The following OR52H1 variants were observed in gnomAD, a reference collection of about 807,000 sequenced individuals.
OR52H1 encodes olfactory receptor 52H1.
For synonymous variants in OR52H1, 148 were observed against 138.6 expected (o/e 1.07, Z -0.48); for missense variants, 383 against 396.4 (o/e 0.97, Z 0.29).
chr11:5,547,575 C>T (rs1435149051), intron 1 of OR52H1, among the ~76,000 whole-genome samples: 2 of 151,920 alleles, frequency 1.3e-5, no homozygotes, highest in Non-Finnish European at 2.9e-5. Context: ...TATTTGGGTT[C>T]CTATGTTTTT....
At chr11:5,547,291 A>C (rs935538212) in intron 1 of OR52H1, among the ~76,000 whole-genome samples, 2 of 152,214 alleles carry the variant, frequency 1.3e-5, no homozygotes, top group African/African-American at 4.8e-5. Context: ...TGTTTAAACA[A>C]ACCAGGTATT....
At chr11:5,546,187 A>C (rs1266264199) in intron 1 of OR52H1, among the ~76,000 whole-genome samples, 1 of 151,918 alleles carries the variant, frequency 6.6e-6, no homozygotes, top group East Asian at 1.9e-4. Context: ...TCCTCAAAAA[A>C]AAAAAAAAAT....
rs115541630 is a variant in OR52H1, at chr11:5,545,230, G to A, written c.276C>T (p.Arg92=). 2.8e-3 allele frequency: 4,472 copies of A among 1,614,068 alleles called. 100 individuals are homozygous for A. The African/African-American group carries it at 0.054, about 19-fold the overall frequency. Residue 92 remains arginine (R), a synonymous_variant, in exon 2 of 2, where the codon CGC becomes CGT. Transcript: ENST00000322653. The part of the protein sequence containing the change: ...KALSIFWLGA[R]EITFPGCLTQ... ...TAAGGCATCCTGGGAATGTGATTTC[G>A]CGAGCCCCTAGCCAAAAGATACTGA... is the stretch of plus-strand genomic sequence containing the variant.
chr11:5,547,368 T>A (rs1281934802), intron 1 of OR52H1, among the ~76,000 whole-genome samples: 1 of 152,200 alleles, frequency 6.6e-6, no homozygotes, highest in South Asian at 2.1e-4. Flanking sequence ...ATAAAGGAAC[T>A]AGTGTTAATT....
chr11:5,545,434 T>G lies in OR52H1; in HGVS notation c.72A>C (p.Gln24His). Residue 24 changes from glutamine to histidine, a missense_variant, in exon 2 of 2, where the codon CAA (glutamine) becomes CAC (histidine). Gln to His is a conservative substitution (Grantham distance 24, BLOSUM62 0). Coordinates refer to ENST00000322653, the MANE Select transcript of OR52H1 (RefSeq NM_001005289.5). ...FILVGIPGLE[Q>H]FHVWIGIPFC... ...AGGGAATTCCAATCCACACATGGAA[T>G]TGCTCCAGGCCTGGGATCCCTACCA... The G allele has an allele frequency of 6.2e-7, 1 of 1,614,172 alleles. No individual in the cohort carries two copies. The highest frequency in any genetic ancestry group is 1.1e-5 in the South Asian group (1 of 91,080).
rs375519710 is a variant in OR52H1 at position 5,544,700 on chromosome 11, T to G, written c.806A>C (p.Asn269Thr). 3 of 1,614,060 alleles carry G rather than the reference T, an allele frequency of 1.9e-6. No homozygotes were observed. In the East Asian group the frequency reaches 6.7e-5, roughly 36 times the overall value. Reference sequence around the variant, plus strand: ...CATGATGTGGAAGGTGCGAGAGACATTGTGTCCAAAGCGATGGGCGAGGAT... The same window carrying G: ...CATGATGTGGAAGGTGCGAGAGACAGTGTGTCCAAAGCGATGGGCGAGGAT... ...FSILAHRFGH[N>T]VSRTFHIMFA... The change falls in exon 2 of 2, where the codon AAT (asparagine) becomes ACT (threonine). Residue 269 changes from asparagine to threonine, a missense_variant. Coordinates refer to ENST00000322653, the MANE Select transcript of OR52H1 (RefSeq NM_001005289.5).
At position 5,544,747 on chromosome 11, in the gene OR52H1, A is replaced by G. The variant is rs751947060; in HGVS notation, c.759T>C (p.Phe253=). The stretch of plus-strand genomic sequence containing the variant: ...GGATGGAGAAAAAGGCAGGTGTATA[A>G]AACATGAGGATGACACAGACATGAG... ...CGSHVCVILM[F]YTPAFFSILA... Residue 253 remains phenylalanine, a synonymous_variant, in exon 2 of 2, where the codon TTT becomes TTC. Coordinates refer to ENST00000322653, the MANE Select transcript of OR52H1 (RefSeq NM_001005289.5). 1 of 1,614,164 alleles carries G rather than the reference A, an allele frequency of 6.2e-7. No homozygotes were observed. The highest frequency in any genetic ancestry group is 1.1e-5 in the South Asian group (1 of 91,080).
At position 5,545,006 on chromosome 11, in the gene OR52H1, C is replaced by T. The variant is rs764234579; in HGVS notation, c.500G>A (p.Cys167Tyr). 6.2e-7 allele frequency: 1 copy of T among 1,614,166 alleles called. No individual in the cohort carries two copies. Among genetic ancestry groups the T allele is most frequent in the South Asian group, 1.1e-5 (1 of 91,078 alleles). Reference protein sequence around the residue: ...IILPDVFLLTCLPFCRTRIIP... With the variant: ...IILPDVFLLTYLPFCRTRIIP... ...GATGCGTGTCCTGCAGAAAGGCAGG[C>T]ATGTCAGCAAGAATACATCTGGCAG... The change falls in exon 2 of 2, where the codon TGC becomes TAC. Residue 167 changes from cysteine (C) to tyrosine (Y), a missense_variant. Coordinates refer to ENST00000322653, the MANE Select transcript of OR52H1 (RefSeq NM_001005289.5).
Position 5,545,531 on chromosome 11 carries a change from A to G in OR52H1, c.-26T>C, listed in dbSNP as rs779294951. Reference sequence around the variant, plus strand: ...GGCAGAGGCAGATGGCATAAATCTCAGCCCCTAAAGACAGAGGGTGATTAA... The same window carrying G: ...GGCAGAGGCAGATGGCATAAATCTCGGCCCCTAAAGACAGAGGGTGATTAA... On this transcript the variant is annotated 5_prime_UTR_variant, in exon 2 of 2. Transcript: ENST00000322653. 147 of 1,609,138 alleles carry G rather than the reference A, an allele frequency of 9.1e-5. No homozygotes were observed. Among genetic ancestry groups the G allele is most frequent in the Non-Finnish European group, 1.1e-4 (134 of 1,176,646 alleles).
Position 5,544,769 on chromosome 11 carries a change from T to C in OR52H1, c.737A>G (p.His246Arg), listed in dbSNP as rs1846824135. The C allele has an allele frequency of 6.2e-7, 1 of 1,613,912 alleles. No homozygotes were observed. The highest frequency in any genetic ancestry group is 8.5e-7 in the Non-Finnish European group (1 of 1,179,972). Residue 246 changes from histidine to arginine, a missense_variant, in exon 2 of 2, where the codon CAT becomes CGT. Coordinates refer to ENST00000322653, the MANE Select transcript of OR52H1 (RefSeq NM_001005289.5). ...CQKALGTCGS[H>R]VCVILMFYTP... is the part of the protein sequence containing the mutation. ...ATAAAACATGAGGATGACACAGACA[T>C]GAGAACCACAAGTGCCGAGGGCTTT...
rs202105878 is a variant in OR52H1, at chr11:5,544,938, C to A, written c.568G>T (p.Ala190Ser). The A allele has an allele frequency of 2.4e-5, 38 of 1,614,116 alleles. No homozygotes were observed. The highest frequency in any genetic ancestry group is 4.0e-5 in the African/African-American group (3 of 75,024). ...YCEHIGVAQL[A>S]CADISINFWY... ...AAGTTGATGGAGATATCAGCACAGG[C>A]GAGCTGGGCAACACCTATATGCTCA... The change falls in exon 2 of 2, where the codon GCC becomes TCC. Residue 190 changes from alanine (A) to serine (S), a missense_variant. By Grantham distance (99) the Ala-to-Ser change is moderately conservative. Transcript: ENST00000322653.
At chr11:5,548,090 G>C (rs2133764443) in intron 1 of OR52H1, among the ~76,000 whole-genome samples, 1 of 152,278 alleles carries the variant, frequency 6.6e-6, no homozygotes, top group South Asian at 2.1e-4. Context: ...TTGCAAGATG[G>C]ATAAAAATTA....
At chr11:5,548,338 G>A (rs1440462875) in intron 1 of OR52H1, 114 bp downstream of exon 1, 1 of 152,208 alleles carries the variant, frequency 6.6e-6, no homozygotes, top group African/African-American at 2.4e-5. Flanking sequence ...GAGTTGCTCA[G>A]GAAAGAAAAT....
Position 5,545,468 on chromosome 11 carries a change from G to T in OR52H1, c.38C>A (p.Pro13His). 1.2e-6 allele frequency: 2 copies of T among 1,614,102 alleles called. No homozygotes were observed. The highest frequency in any genetic ancestry group is 4.5e-5 in the East Asian group (2 of 44,878). The change falls in exon 2 of 2, where the codon CCC becomes CAC. Residue 13 changes from proline to histidine, a missense_variant. Transcript: ENST00000322653. ...GCCTGGGATCCCTACCAGAATGAAG[G>T]GTCCTGGATTGTAACTGCTCAGGTT... ...IFNLSSYNPG[P>H]FILVGIPGLE...
intron 1 of OR52H1, among the ~76,000 whole-genome samples, chr11:5,546,151 T>C (rs780716985): frequency 6.7e-6 from 1 of 150,008 alleles, no homozygotes; most frequent in Non-Finnish European, 1.5e-5. Context: ...AAAAATTCCC[T>C]TATAGCTGAG....
At position 5,545,113 on chromosome 11, in the gene OR52H1, G is replaced by A. The variant is rs1489484893; in HGVS notation, c.393C>T (p.Pro131=). The change falls in exon 2 of 2, where the codon CCC becomes CCT. Residue 131 remains proline (P), a synonymous_variant. Coordinates refer to ENST00000322653, the MANE Select transcript of OR52H1 (RefSeq NM_001005289.5). ...GAGTCAAGATGGTGGTATATCTCAA[G>A]GGAGAACAGATAGCTACATAGTGAT... ...AFDHYVAICS[P]LRYTTILTPK... 1.2e-6 allele frequency: 2 copies of A among 1,614,120 alleles called. No individual in the cohort carries two copies. Among genetic ancestry groups the A allele is most frequent in the Non-Finnish European group, 1.7e-6 (2 of 1,180,004 alleles).
rs561068799 is a variant in OR52H1, at chr11:5,545,322, A to G, written c.184T>C (p.Phe62Leu). The change falls in exon 2 of 2, where the codon TTC (phenylalanine) becomes CTC (leucine). Residue 62 changes from phenylalanine (F) to leucine (L), a missense_variant. Phe to Leu is a conservative substitution (Grantham distance 22, BLOSUM62 0). Coordinates refer to ENST00000322653, the MANE Select transcript of OR52H1 (RefSeq NM_001005289.5). The stretch of plus-strand genomic sequence containing the variant: ...ATGGCCAGCATGGAGAGAAAGAAGA[A>G]CATGGGTTCATGAAGACTATGCTCC... ...VVEHSLHEPM[F>L]FFLSMLAMTD... The G allele has an allele frequency of 7.4e-6, 12 of 1,613,138 alleles. No individual in the cohort carries two copies. The African/African-American group carries it at 1.6e-4, about 22-fold the overall frequency.
At position 5,545,089 on chromosome 11, in the gene OR52H1, A is replaced by G. The variant is rs757132713; in HGVS notation, c.417T>C (p.Thr139=). 3 of 1,614,116 alleles carry G rather than the reference A, an allele frequency of 1.9e-6. No individual in the cohort carries two copies. In the South Asian group the frequency reaches 3.3e-5, roughly 18 times the overall value. The change falls in exon 2 of 2, where the codon ACT becomes ACC. Residue 139 remains threonine (T), a synonymous_variant. Transcript: ENST00000322653. ...TAGCACTCTTGATGATGGTCTTGGG[A>G]GTCAAGATGGTGGTATATCTCAAGG... The part of the protein sequence containing the change: ...CSPLRYTTIL[T]PKTIIKSAMG...
chr11:5,544,955 A>G lies in OR52H1; in HGVS notation c.551T>C (p.Ile184Thr). ...RIIPHTYCEH[I>T]GVAQLACADI... ...AGCACAGGCGAGCTGGGCAACACCTATATGCTCACAGTATGTGTGGGGTAT... is the reference window on the plus strand; with the variant it reads ...AGCACAGGCGAGCTGGGCAACACCTGTATGCTCACAGTATGTGTGGGGTAT... The change falls in exon 2 of 2, where the codon ATA becomes ACA. Residue 184 changes from isoleucine (I) to threonine (T), a missense_variant. By Grantham distance (89) the Ile-to-Thr change is moderately conservative. Transcript: ENST00000322653. 6.2e-7 allele frequency: 1 copy of G among 1,614,186 alleles called. No individual in the cohort carries two copies. Among genetic ancestry groups the G allele is most frequent in the Non-Finnish European group, 8.5e-7 (1 of 1,180,030 alleles).
Sources: gnomAD v4.1 joint callset for allele counts (sites outside exome capture counted in the v4.1 genomes callset) on GRCh38, gnomAD v4.1.1 for gene constraint, MANE v1.5 for transcripts, NCBI Gene and HGNC (gene_info 2026-07-23, HGNC 2026-07-21) for gene names.